The following FRMPD2 variants were observed in gnomAD, a reference collection of about 807,000 sequenced individuals.
The protein encoded by FRMPD2 is FERM and PDZ domain-containing protein 2.
Under a neutral mutation model 140.1 loss-of-function variants are expected in FRMPD2, and 96 were observed. The observed-to-expected ratio is 0.69, with a 90% CI of 0.58 to 0.81. FRMPD2 has a LOEUF of 0.81. Ranked by LOEUF, FRMPD2 falls within the 40% of genes least tolerant of loss-of-function variation. The pLI, the probability that FRMPD2 is intolerant of heterozygous loss-of-function variation, is 0.00. For missense variants in FRMPD2, 1,240 were observed against 1,447.4 expected, an observed-to-expected ratio of 0.86 and a Z score of 2.32; for synonymous variants, 449 against 547.6, an observed-to-expected ratio of 0.82 and a Z score of 2.52.
chr10:48,260,484 T>C (rs1483504288), intron 1 of FRMPD2, among the ~76,000 whole-genome samples: 1 of 152,212 alleles, frequency 6.6e-6, no homozygotes, highest in African/African-American at 2.4e-5. Flanking sequence ...ATAGATTATA[T>C]GATGCCTGCC....
At chr10:48,183,018 A>G (rs187408555) in intron 20 of FRMPD2, among the ~76,000 whole-genome samples, 3 of 152,320 alleles carry the variant, frequency 2.0e-5, no homozygotes, top group Admixed American at 2.0e-4. Context: ...CCCAGGATGA[A>G]GGGTGTGGGG....
intron 21 of FRMPD2, 95 bp from the exon 22 acceptor site, chr10:48,178,246 C>G (rs1838458789): frequency 2.3e-6 from 2 of 873,494 alleles, no homozygotes; most frequent in Admixed American, 4.1e-5. Flanking sequence ...CATTGCACCT[C>G]AGAAAGATCA....
intron 1 of FRMPD2, among the ~76,000 whole-genome samples, chr10:48,269,022 CA>C (rs1350225084): frequency 6.6e-6 from 1 of 151,638 alleles, no homozygotes; most frequent in Non-Finnish European, 1.5e-5. Flanking sequence ...TATATAATGG[CA>C]AAAGGGTTAC....
intron 1 of FRMPD2, among the ~76,000 whole-genome samples, chr10:48,271,912 C>A (rs1310569205): frequency 1.3e-5 from 2 of 152,170 alleles, no homozygotes; most frequent in South Asian, 2.1e-4. Flanking sequence ...TTGTGTCTGG[C>A]ATATGGCAGT....
chr10:48,172,431 CA>C (rs1838285758), intron 25 of FRMPD2, among the ~76,000 whole-genome samples: 1 of 152,260 alleles, frequency 6.6e-6, no homozygotes, highest in African/African-American at 2.4e-5. Flanking sequence ...ACCAAAATCA[CA>C]AGGGAATTGC....
At chr10:48,254,218 T>A (rs979999427) in intron 1 of FRMPD2, among the ~76,000 whole-genome samples, 1 of 152,214 alleles carries the variant, frequency 6.6e-6, no homozygotes, top group Admixed American at 6.5e-5. Flanking sequence ...GGCAAGTTGG[T>A]TTCTGAAGAG....
In FRMPD2 at chr10:48,184,616, A is replaced by T. The variant is rs115887547; in HGVS notation, c.2534T>A (p.Met845Lys). The T allele has an allele frequency of 1.2e-6, 2 of 1,613,716 alleles. No individual in the cohort carries two copies. Among genetic ancestry groups the T allele is most frequent in the South Asian group, 2.2e-5 (2 of 91,074 alleles). ...TATGTTGTCAGGGGAATTCTGGATC[A>T]TCCTAACAGCCATGTTGAATGTGAA... ...EGFTFNMAVR[M>K]IQNSPDNIEL... Residue 845 changes from methionine (M) to lysine (K), a missense_variant, in exon 20 of 29, where the codon ATG becomes AAG. Met to Lys is a moderately conservative substitution (Grantham distance 95, BLOSUM62 -1). Coordinates refer to ENST00000374201, the MANE Select transcript of FRMPD2 (RefSeq NM_001018071.4).
chr10:48,214,221 C>T (rs1039065631), intron 12 of FRMPD2, among the ~76,000 whole-genome samples: 1 of 152,204 alleles, frequency 6.6e-6, no homozygotes, highest in Non-Finnish European at 1.5e-5. Flanking sequence ...GTTCGTGAGA[C>T]ACACCAAAGA....
intron 28 of FRMPD2, among the ~76,000 whole-genome samples, chr10:48,159,700 T>C (rs1837882455): frequency 6.6e-6 from 1 of 151,710 alleles, no homozygotes; most frequent in African/African-American, 2.4e-5. Flanking sequence ...TAAATGACCA[T>C]CAAGATTTAT....
At chr10:48,238,719 G>A (rs1314537814) in intron 7 of FRMPD2, among the ~76,000 whole-genome samples, 1 of 152,180 alleles carries the variant, frequency 6.6e-6, no homozygotes, top group East Asian at 1.9e-4. Context: ...CACCGTTCCA[G>A]GTCCAGGAAG....
intron 1 of FRMPD2, among the ~76,000 whole-genome samples, chr10:48,267,136 C>G (rs1840692398): frequency 6.6e-6 from 1 of 152,112 alleles, no homozygotes; most frequent in Non-Finnish European, 1.5e-5. Context: ...ATCATAGTAC[C>G]CAAACATCTT....
chr10:48,274,432 A>G, intron 1 of FRMPD2, 111 bp downstream of exon 1: 1 of 909,116 alleles, frequency 1.1e-6, no homozygotes, highest in Non-Finnish European at 1.8e-6. Context: ...GCACTGACAC[A>G]GGTCCTTGCC....
chr10:48,186,951 C>T (rs890738987), intron 17 of FRMPD2, among the ~76,000 whole-genome samples: 17 of 152,204 alleles, frequency 1.1e-4, no homozygotes, highest in Non-Finnish European at 2.5e-4. Flanking sequence ...AGGTATTCTT[C>T]CTTCTGGACA....
intron 12 of FRMPD2, among the ~76,000 whole-genome samples, chr10:48,219,522 G>A (rs543223375): frequency 2.0e-5 from 3 of 152,150 alleles, no homozygotes; most frequent in Admixed American, 1.3e-4. Flanking sequence ...CTCGGTCTCT[G>A]TTGAGGTCTG....
chr10:48,214,486 G>C (rs886822370), intron 12 of FRMPD2, among the ~76,000 whole-genome samples: 1 of 152,158 alleles, frequency 6.6e-6, no homozygotes. Flanking sequence ...TTCTGGTGCA[G>C]GATTTTTATG....
intron 1 of FRMPD2, among the ~76,000 whole-genome samples, chr10:48,262,654 C>T (rs1272625162): frequency 6.6e-6 from 1 of 152,152 alleles, no homozygotes; most frequent in Non-Finnish European, 1.5e-5. Context: ...TAGTTGATGG[C>T]TGTAGGCTAT....
intron 28 of FRMPD2, 43 bp downstream of exon 28, chr10:48,163,285 T>G: frequency 2.2e-6 from 3 of 1,375,212 alleles, no homozygotes; most frequent in East Asian, 2.3e-5. Context: ...AGCAATGAGA[T>G]GCACACAGTT....
chr10:48,264,545 A>G (rs1057444215), intron 1 of FRMPD2, among the ~76,000 whole-genome samples: 2 of 152,096 alleles, frequency 1.3e-5, no homozygotes, highest in Admixed American at 6.6e-5. Flanking sequence ...TTAACACCAA[A>G]AAATTTTGAA....
intron 3 of FRMPD2, among the ~76,000 whole-genome samples, chr10:48,246,983 C>T (rs1351418953): frequency 6.6e-6 from 1 of 152,220 alleles, no homozygotes; most frequent in Non-Finnish European, 1.5e-5. Flanking sequence ...CTTCATATGC[C>T]TAGAGCGCTA....
Sources: allele counts gnomAD v4.1 joint callset (sites outside exome capture counted in the v4.1 genomes callset), GRCh38; gene constraint gnomAD v4.1.1; transcripts MANE v1.5; gene names NCBI Gene and HGNC (gene_info 2026-07-23, HGNC 2026-07-21).